TLE3: variants seen among roughly 807,000 people sequenced by gnomAD.
TLE3 encodes transducin-like enhancer protein 3.
In TLE3, 14 loss-of-function variants were observed where a neutral mutation model predicts 93.0. The observed-to-expected ratio is 0.15, with a 90% confidence interval of 0.10 to 0.24. TLE3 has a LOEUF of 0.24. TLE3 is among the 10% of genes least tolerant of loss of function. The probability of loss-of-function intolerance (pLI) is 1.00; values close to 1 mark genes in which losing one functional copy is unlikely to be tolerated. For missense variants in TLE3, 693 were observed against 1,046.6 expected (o/e 0.66, Z 4.66); for synonymous variants, 451 against 425.0 (o/e 1.06, Z -0.75).
chr15:70,090,349 A>T (rs540605941), intron 4 of TLE3, among the ~76,000 whole-genome samples: 162 of 152,256 alleles, frequency 1.1e-3, no homozygotes, highest in African/African-American at 3.7e-3. Flanking sequence ...GAAAAAAAAA[A>T]TTTCACAGCT....
chr15:70,065,426 T>A (rs543664058), intron 7 of TLE3, among the ~76,000 whole-genome samples: 1 of 152,290 alleles, frequency 6.6e-6, no homozygotes, highest in South Asian at 2.1e-4. Flanking sequence ...CTTGCTGGGG[T>A]GTGCACTACC....
At chr15:70,083,344 T>C (rs1050635225) in intron 4 of TLE3, among the ~76,000 whole-genome samples, 2 of 152,172 alleles carry the variant, frequency 1.3e-5, no homozygotes, top group African/African-American at 4.8e-5. Flanking sequence ...CTTTAAATAT[T>C]TGTTCACTTT....
At chr15:70,083,059 C>T (rs1002742180) in intron 4 of TLE3, among the ~76,000 whole-genome samples, 5 of 152,164 alleles carry the variant, frequency 3.3e-5, no homozygotes, top group South Asian at 2.1e-4. Context: ...GCATTCCTAG[C>T]CCAGATCCAT....
rs2141452609 is a variant in TLE3 at position 70,056,239 on chromosome 15, G to A, written c.1328+59C>T. On this transcript the variant is annotated intron_variant, in intron 14 of 19. Transcript: ENST00000451782. The stretch of plus-strand genomic sequence containing the variant: ...ATGAGGGGCGTTGTTGGAATTGGGG[G>A]TAGAGTGCTCTCTCCTGCCCACCCT... 6.4e-6 allele frequency: 10 copies of A among 1,555,458 alleles called. No homozygotes were observed. In the South Asian group the frequency reaches 1.0e-4, roughly 16 times the overall value.
At chr15:70,062,726 C>T (rs2056573293) in intron 8 of TLE3, among the ~76,000 whole-genome samples, 1 of 151,880 alleles carries the variant, frequency 6.6e-6, no homozygotes, top group Non-Finnish European at 1.5e-5. Context: ...CATCTGTTGA[C>T]AACCTGGTTT....
intron 3 of TLE3, 29 bp downstream of exon 3, chr15:70,095,549 C>A (rs564403851): frequency 1.3e-6 from 2 of 1,548,322 alleles, no homozygotes; most frequent in African/African-American, 1.4e-5. Context: ...GCGCCCCAAC[C>A]GCCCCCCAGG....
chr15:70,051,780 T>C (rs565116361), intron 18 of TLE3, among the ~76,000 whole-genome samples: 67 of 152,298 alleles, frequency 4.4e-4, no homozygotes, highest in African/African-American at 1.6e-3. Context: ...TAAATTCTAC[T>C]ACTGGAAGGC....
In TLE3 at chr15:70,097,437, C is replaced by T. The variant is rs564496025; in HGVS notation, c.-639G>A. 4 of 416,826 alleles carry T rather than the reference C, an allele frequency of 9.6e-6. No homozygotes were observed. The highest frequency in any genetic ancestry group is 8.2e-5 in the South Asian group (1 of 12,258). 25.8% of individuals were successfully genotyped at this position (416,826 alleles called of 1,614,324 possible). A position where few individuals can be genotyped will look rare whatever the true frequency, so the allele number is the denominator to read the frequency against. On this transcript the variant is annotated 5_prime_UTR_variant, in exon 1 of 20. Transcript: ENST00000451782. ...CCTCGGAGAGGAGAGCCTGCTGTTC[C>T]GTCTGCTACTGCCGCTGCCGCCGCC...
chr15:70,057,898 C>A, intron 12 of TLE3: 1 of 709,682 alleles, frequency 1.4e-6, no homozygotes. Flanking sequence ...TTGCTTAGAG[C>A]CTCACTGGAC....
intron 4 of TLE3, among the ~76,000 whole-genome samples, chr15:70,084,538 G>A (rs920637964): frequency 6.6e-6 from 1 of 152,178 alleles, no homozygotes; most frequent in Non-Finnish European, 1.5e-5. Flanking sequence ...TGGTGGTCTG[G>A]GGGTAGACAT....
At chr15:70,092,308 C>A (rs1645878803) in intron 4 of TLE3, among the ~76,000 whole-genome samples, 3 of 152,224 alleles carry the variant, frequency 2.0e-5, no homozygotes, top group Admixed American at 2.0e-4. Context: ...CACCTCCTTG[C>A]CTCTTTGTTC....
At chr15:70,063,051 C>G (rs1395212985) in intron 8 of TLE3, among the ~76,000 whole-genome samples, 1 of 152,230 alleles carries the variant, frequency 6.6e-6, no homozygotes, top group Admixed American at 6.5e-5. Context: ...CCCACTCCCC[C>G]TCCAATTCCA....
At chr15:70,091,059 G>A (rs1409546456) in intron 4 of TLE3, among the ~76,000 whole-genome samples, 1 of 152,222 alleles carries the variant, frequency 6.6e-6, no homozygotes, top group African/African-American at 2.4e-5. Context: ...CCACTAACGT[G>A]GGACTGTATG....
At chr15:70,052,312 G>A (rs906163438) in intron 18 of TLE3, 62 bp downstream of exon 18, 2 of 1,584,728 alleles carry the variant, frequency 1.3e-6, no homozygotes, top group African/African-American at 1.3e-5. Context: ...CTGTCCTGTT[G>A]GGCCAGGCTG....
At chr15:70,064,324 G>A in intron 8 of TLE3, 130 bp downstream of exon 8, 1 of 1,100,386 alleles carries the variant, frequency 9.1e-7, no homozygotes, top group Non-Finnish European at 1.3e-6. Flanking sequence ...CCACAGAGCA[G>A]AAGCGGGAAC....
At position 70,050,183 on chromosome 15, in the gene TLE3, A is replaced by G. The variant is rs2055387748; in HGVS notation, c.2224T>C (p.Leu742=). 2 of 1,614,066 alleles carry G rather than the reference A, an allele frequency of 1.2e-6. No individual in the cohort carries two copies. Among genetic ancestry groups the G allele is most frequent in the East Asian group, 4.5e-5 (2 of 44,882 alleles). Reference sequence around the variant, plus strand: ...TCATCCGCTGAAATGTCACAACTCAAGACAGACGAGGATTCTTTAGACTGG... The same window carrying G: ...TCATCCGCTGAAATGTCACAACTCAGGACAGACGAGGATTCTTTAGACTGG... The part of the protein sequence containing the change: ...IFQSKESSSV[L]SCDISADDKY... The change falls in exon 20 of 20, where the codon TTG becomes CTG. Residue 742 remains leucine (L), a synonymous_variant. Coordinates refer to ENST00000451782, the MANE Select transcript of TLE3 (RefSeq NM_001105192.3).
intron 8 of TLE3, among the ~76,000 whole-genome samples, chr15:70,064,066 C>T (rs1184974131): frequency 6.6e-6 from 1 of 152,140 alleles, no homozygotes; most frequent in Non-Finnish European, 1.5e-5. Flanking sequence ...CTCAGAGTAT[C>T]ACCTCTCATA....
In TLE3 at chr15:70,097,589, C is replaced by T. The variant is rs1363006371; in HGVS notation, c.-791G>A. 1 of 398,626 alleles carries T rather than the reference C, an allele frequency of 2.5e-6. No homozygotes were observed. The highest frequency in any genetic ancestry group is 3.6e-5 in the East Asian group (1 of 28,058). The allele number at this position is 398,626 out of a possible 1,614,324, so 24.7% of individuals were successfully genotyped here. On this transcript the variant is annotated 5_prime_UTR_variant, in exon 1 of 20. Transcript: ENST00000451782. ...GCCTCCGCAAAGGGTTCTCGCTGCT[C>T]CCAGCTTGAGCACCGCGTCCCCACC...
At chr15:70,065,740 GC>G (rs2056772818) in intron 7 of TLE3, among the ~76,000 whole-genome samples, 2 of 152,242 alleles carry the variant, frequency 1.3e-5, no homozygotes, top group Admixed American at 6.5e-5. Flanking sequence ...TGAAGGACAG[GC>G]AAGGGTGTTG....
Sources: gnomAD v4.1 joint callset for allele counts (sites outside exome capture counted in the v4.1 genomes callset) on GRCh38, gnomAD v4.1.1 for gene constraint, MANE v1.5 for transcripts, NCBI Gene and HGNC (gene_info 2026-07-23, HGNC 2026-07-21) for gene names.